The following EIF3L variants were observed in gnomAD, a reference collection of about 807,000 sequenced individuals.
EIF3L encodes the protein eukaryotic translation initiation factor 3 subunit L, also known as eIEF associated protein HSPC021.
In EIF3L, 32 loss-of-function variants were observed where a neutral mutation model predicts 74.6. That is an observed-to-expected ratio of 0.43 (90% CI 0.32 to 0.58). The LOEUF (loss-of-function observed/expected upper bound fraction) is 0.58, where lower values mean the gene tolerates loss of function less well. Ranked by LOEUF, EIF3L falls within the 20% of genes least tolerant of loss-of-function variation. The probability of loss-of-function intolerance (pLI) is 0.06; values close to 1 mark genes in which losing one functional copy is unlikely to be tolerated. For synonymous variants in EIF3L, 256 were observed against 254.4 expected, an observed-to-expected ratio of 1.01 and a Z score of -0.06; for missense variants, 474 against 707.8, an observed-to-expected ratio of 0.67 and a Z score of 3.75.
intron 2 of EIF3L, 65 bp downstream of exon 2, chr22:37,850,128 C>T: frequency 3.2e-6 from 5 of 1,581,232 alleles, no homozygotes; most frequent in Non-Finnish European, 4.3e-6. Context: ...TGTCTTAGAA[C>T]CAGCTCTGAC....
In EIF3L at chr22:37,862,842, T is replaced by C. The variant is rs1467130055; in HGVS notation, c.436-127T>C. 5.9e-6 allele frequency: 4 copies of C among 683,280 alleles called. No homozygotes were observed. In the African/African-American group the frequency reaches 7.4e-5, roughly 13 times the overall value. The allele number at this position is 683,280 out of a possible 1,614,324, so 42.3% of individuals were successfully genotyped here. On this transcript the variant is annotated intron_variant, in intron 5 of 12. Coordinates refer to ENST00000652021, the MANE Select transcript of EIF3L (RefSeq NM_016091.4). ...CTATCTTCCCTCTCACTTGCATATT[T>C]ACATAGTAAGAAAGAGAGGACAGAT... is the stretch of plus-strand genomic sequence containing the variant.
chr22:37,872,217 A>G (rs1030117495), intron 8 of EIF3L, among the ~76,000 whole-genome samples: 1 of 152,008 alleles, frequency 6.6e-6, no homozygotes, highest in African/African-American at 2.4e-5. Context: ...TCCGGGGTTC[A>G]AGCGATTCTC....
chr22:37,849,819 A>G lies in EIF3L; in HGVS notation c.34-196A>G, dbSNP rs1925071671. The G allele has an allele frequency of 6.3e-6, 4 of 638,536 alleles. No individual in the cohort carries two copies. In the South Asian group the frequency reaches 7.6e-5, roughly 12 times the overall value. The allele number at this position is 638,536 out of a possible 1,614,324, so 39.6% of individuals were successfully genotyped here. The stretch of plus-strand genomic sequence containing the variant: ...AGCCTCTTGTCCTTTGCTCCACCTC[A>G]TTGCACCCGTAATGTTGTATTGTCA... On this transcript the variant is annotated intron_variant, in intron 1 of 12. Transcript: ENST00000652021.
At chr22:37,867,440 C>T (rs113759196) in intron 7 of EIF3L, among the ~76,000 whole-genome samples, 11 of 151,924 alleles carry the variant, frequency 7.2e-5, no homozygotes, top group African/African-American at 2.4e-4. Flanking sequence ...GGGCAGATCA[C>T]TTGAGGCCAG....
rs1926831116 is a variant in EIF3L at position 37,877,786 on chromosome 22, A to C, written c.1190A>C (p.Lys397Thr). 1.2e-6 allele frequency: 2 copies of C among 1,613,774 alleles called. No individual in the cohort carries two copies. Among genetic ancestry groups the C allele is most frequent in the African/African-American group, 2.7e-5 (2 of 74,888 alleles). ...CAGCTGCGGGAGAAATATGGGGACAAGATGTTGCGCATGCAGAAAGGTGAC... is the reference window on the plus strand; with the variant it reads ...CAGCTGCGGGAGAAATATGGGGACACGATGTTGCGCATGCAGAAAGGTGAC... ...HLQLREKYGD[K>T]MLRMQKGDPQ... The change falls in exon 11 of 13, where the codon AAG becomes ACG. Residue 397 changes from lysine (K) to threonine (T), a missense_variant. Coordinates refer to ENST00000652021, the MANE Select transcript of EIF3L (RefSeq NM_016091.4).
At chr22:37,876,291 G>A in intron 10 of EIF3L, 2 of 261,904 alleles carry the variant, frequency 7.6e-6, no homozygotes, top group Non-Finnish European at 1.4e-5. Context: ...AACAACACCG[G>A]CTAATTTTTT....
intron 11 of EIF3L, chr22:37,885,580 T>C (rs1197029137): frequency 6.6e-6 from 1 of 151,138 alleles, no homozygotes; most frequent in East Asian, 1.9e-4. Flanking sequence ...TATTTTCAGC[T>C]AAAAACAAAA....
chr22:37,849,518 C>A, intron 1 of EIF3L, 36 bp downstream of exon 1: 1 of 1,567,354 alleles, frequency 6.4e-7, no homozygotes. Flanking sequence ...GGCTCCACGA[C>A]GGGGTGATCT....
At chr22:37,888,154 G>A (rs921484221) in intron 12 of EIF3L, 28 of 387,112 alleles carry the variant, frequency 7.2e-5, no homozygotes, top group Non-Finnish European at 1.2e-4. Context: ...GAAACGTCTG[G>A]CCAGTCTGAA....
chr22:37,851,253 T>C (rs774680117), intron 2 of EIF3L, 27 bp from the exon 3 acceptor site: 1 of 1,603,988 alleles, frequency 6.2e-7, no homozygotes, highest in Non-Finnish European at 8.5e-7. Context: ...TTGAGCATAC[T>C]CTGTATTTGT....
chr22:37,857,379 A>AC (rs1205716064), intron 4 of EIF3L, among the ~76,000 whole-genome samples: 2 of 150,770 alleles, frequency 1.3e-5, no homozygotes, highest in Non-Finnish European at 3.0e-5. Flanking sequence ...CAAAAAAAAA[A>AC]AAAAAAAAAA....
At chr22:37,862,642 C>T (rs1925919026) in intron 5 of EIF3L, among the ~76,000 whole-genome samples, 1 of 152,212 alleles carries the variant, frequency 6.6e-6, no homozygotes, top group Admixed American at 6.5e-5. Flanking sequence ...CCCTAGCCTT[C>T]AAGTGCCACG....
chr22:37,880,682 CAG>C (rs1163825168), intron 11 of EIF3L: 10 of 152,178 alleles, frequency 6.6e-5, no homozygotes, highest in Admixed American at 6.6e-4. Context: ...TTTATAGAAA[CAG>C]GGTCTCACTT....
intron 5 of EIF3L, among the ~76,000 whole-genome samples, chr22:37,860,658 C>T (rs746815231): frequency 2.0e-5 from 3 of 152,318 alleles, no homozygotes; most frequent in Non-Finnish European, 2.9e-5. Context: ...CAGGCGTGAG[C>T]CACTGTGCCT....
intron 8 of EIF3L, among the ~76,000 whole-genome samples, chr22:37,873,515 G>A (rs972467955): frequency 2.0e-5 from 3 of 151,762 alleles, no homozygotes; most frequent in South Asian, 4.2e-4. Context: ...GGATGGTCTC[G>A]ATCTCCTGAC....
chr22:37,878,677 G>C (rs1353626359), intron 11 of EIF3L: 1 of 154,248 alleles, frequency 6.5e-6, no homozygotes, highest in African/African-American at 2.4e-5. Context: ...TGGTCAGTCT[G>C]GTGTCAAACT....
chr22:37,851,523 G>T, intron 3 of EIF3L, 33 bp downstream of exon 3: 1 of 1,575,650 alleles, frequency 6.3e-7, no homozygotes, highest in South Asian at 1.1e-5. Flanking sequence ...GCCTCTTTCT[G>T]GGTGGGACTG....
intron 11 of EIF3L, 47 bp from the exon 12 acceptor site, chr22:37,886,718 T>C (rs962955663): frequency 3.8e-6 from 6 of 1,563,716 alleles, no homozygotes; most frequent in Admixed American, 3.4e-5. Context: ...TAGATGGCCC[T>C]GCTCCTCCAC....
At chr22:37,854,358 A>G (rs1013204168) in intron 3 of EIF3L, among the ~76,000 whole-genome samples, 1 of 152,242 alleles carries the variant, frequency 6.6e-6, no homozygotes, top group Non-Finnish European at 1.5e-5. Context: ...CAGTAGAGTG[A>G]TGGAAGCAAC....
Sources: allele counts gnomAD v4.1 joint callset (sites outside exome capture counted in the v4.1 genomes callset), GRCh38; gene constraint gnomAD v4.1.1; transcripts MANE v1.5; gene names NCBI Gene and HGNC (gene_info 2026-07-23, HGNC 2026-07-21).